SLC6A18: variants seen among roughly 807,000 people sequenced by gnomAD.
The protein encoded by SLC6A18 is inactive sodium-dependent neutral amino acid transporter B(0)AT3.
In SLC6A18, 58 loss-of-function variants were observed where a neutral mutation model predicts 62.9. The ratio of observed to expected loss-of-function variants is 0.92; its 90% CI spans 0.75 to 1.15. The LOEUF (loss-of-function observed/expected upper bound fraction) is 1.15. SLC6A18 is among the 50% of genes most tolerant of loss of function. The pLI is 0.00. For missense variants in SLC6A18, 793 were observed against 836.6 expected, an observed-to-expected ratio of 0.95 and a Z score of 0.64; for synonymous variants, 382 against 365.8, an observed-to-expected ratio of 1.04 and a Z score of -0.51.
chr5:1,242,693 C>T lies in SLC6A18; in HGVS notation c.975-14C>T. 6.3e-7 allele frequency: 1 copy of T among 1,593,392 alleles called. No homozygotes were observed. Among genetic ancestry groups the T allele is most frequent in the Non-Finnish European group, 8.6e-7 (1 of 1,166,436 alleles). On this transcript the variant is annotated splice_polypyrimidine_tract_variant and intron_variant, in intron 7 of 11. Coordinates refer to ENST00000324642, the MANE Select transcript of SLC6A18 (RefSeq NM_182632.3). ...ACCAGGGCCATGAGCCCACAGTCCTCTCTGTCCCCGCAGAAACATCCTCAG... is the reference window on the plus strand; with the variant it reads ...ACCAGGGCCATGAGCCCACAGTCCTTTCTGTCCCCGCAGAAACATCCTCAG...
intron 3 of SLC6A18, among the ~76,000 whole-genome samples, chr5:1,233,806 A>G (rs565943551): frequency 7.5e-4 from 112 of 150,116 alleles, no homozygotes; most frequent in African/African-American, 2.3e-3. Flanking sequence ...CAGTGGTGCT[A>G]TCTTGGCTCA....
chr5:1,244,088 C>T, intron 9 of SLC6A18, 126 bp from the exon 10 acceptor site: 1 of 775,552 alleles, frequency 1.3e-6, no homozygotes, highest in Admixed American at 2.5e-5. Flanking sequence ...GAGAAGTCTC[C>T]AGCCCAGGTG....
At position 1,232,229 on chromosome 5, in the gene SLC6A18, C is replaced by G. The variant is rs748954786; in HGVS notation, c.171C>G (p.Leu57=). 6.2e-7 allele frequency: 1 copy of G among 1,612,030 alleles called. No homozygotes were observed. Among genetic ancestry groups the G allele is most frequent in the East Asian group, 2.2e-5 (1 of 44,840 alleles). ...LCQTYGGGAF[L]IPYVIALVFE... Reference sequence around the variant, plus strand: ...ACCCCCTCCTCACAGGGGCCTTCCTCATCCCCTACGTCATCGCGCTGGTCT... The same window carrying G: ...ACCCCCTCCTCACAGGGGCCTTCCTGATCCCCTACGTCATCGCGCTGGTCT... Residue 57 remains leucine (L), a synonymous_variant, in exon 2 of 12, where the codon CTC becomes CTG. Transcript: ENST00000324642.
intron 2 of SLC6A18, 64 bp from the exon 3 acceptor site, chr5:1,232,687 T>C (rs1256467755): frequency 1.5e-5 from 23 of 1,536,964 alleles, no homozygotes; most frequent in Non-Finnish European, 1.8e-5. Flanking sequence ...TTATTCTCAC[T>C]GCTTCTGGGC....
intron 11 of SLC6A18, among the ~76,000 whole-genome samples, chr5:1,245,639 G>A (rs1478982365): frequency 6.6e-6 from 1 of 152,224 alleles, no homozygotes; most frequent in Non-Finnish European, 1.5e-5. Flanking sequence ...CCAGCCCCAG[G>A]AGAAGCTCAG....
At chr5:1,239,707 C>G (rs899289329) in intron 6 of SLC6A18, 145 bp downstream of exon 6, 1 of 637,456 alleles carries the variant, frequency 1.6e-6, no homozygotes, top group Non-Finnish European at 2.7e-6. Context: ...TGGGCCCTCA[C>G]GGCAGCTCCC....
Position 1,241,630 on chromosome 5 carries a change from CA to C in SLC6A18, c.974+972del, listed in dbSNP as rs1747062591. ...TGGCACTCACAGGCCACAGAAGGGA[CA>C]GTGTTTTACAGGATGAGCCGGGTCA... On this transcript the variant is annotated intron_variant, in intron 7 of 11. Transcript: ENST00000324642. The surrounding 1 kb of genome is among the most constrained non-coding windows in gnomAD (Gnocchi z 7.8). Among the ~76,000 whole-genome samples, 1 of 152,054 alleles carries C rather than the reference CA, an allele frequency of 6.6e-6. No homozygotes were observed. Among genetic ancestry groups the C allele is most frequent in the Non-Finnish European group, 1.5e-5 (1 of 68,006 alleles).
At position 1,225,880 on chromosome 5, in the gene SLC6A18, T is replaced by C. The variant is rs939219761; in HGVS notation, c.160+243T>C. On this transcript the variant is annotated intron_variant, in intron 1 of 11. Coordinates refer to ENST00000324642, the MANE Select transcript of SLC6A18 (RefSeq NM_182632.3). ...AGGATCCAGTCCCCTCGGGGTCCAC[T>C]ATGGTCTTCCGGGACCTCAGGGCAG... is the stretch of plus-strand genomic sequence containing the variant. Among the ~76,000 whole-genome samples the C allele has an allele frequency of 2.0e-5, 3 of 152,172 alleles. No individual in the cohort carries two copies. The East Asian group carries it at 5.8e-4, about 29-fold the overall frequency.
At chr5:1,227,028 G>A (rs1037718957) in intron 1 of SLC6A18, among the ~76,000 whole-genome samples, 1 of 146,442 alleles carries the variant, frequency 6.8e-6, no homozygotes, top group Non-Finnish European at 1.5e-5. Flanking sequence ...CGCGCCCAAC[G>A]CCTTGCCCGC....
chr5:1,227,013 G>GATGCCTTGCCCA (rs1746595194), intron 1 of SLC6A18, among the ~76,000 whole-genome samples: 3 of 71,112 alleles, frequency 4.2e-5, no homozygotes, highest in Admixed American at 3.0e-4. Flanking sequence ...TGCCTTGCCC[G>GATGCCTTGCCCA]CCGACGCGCC....
At chr5:1,231,217 G>T (rs1746722848) in intron 1 of SLC6A18, among the ~76,000 whole-genome samples, 4 of 152,202 alleles carry the variant, frequency 2.6e-5, no homozygotes, top group Admixed American at 2.6e-4. Flanking sequence ...TCCACTGCGG[G>T]TGCCCCAGGC....
chr5:1,226,418 G>T (rs1349484896), intron 1 of SLC6A18, among the ~76,000 whole-genome samples: 1 of 152,192 alleles, frequency 6.6e-6, no homozygotes, highest in Non-Finnish European at 1.5e-5. Context: ...ACGGGCAGGG[G>T]CTTCCCAGGC....
At position 1,231,933 on chromosome 5, in the gene SLC6A18, G is replaced by A. The variant is rs548999970; in HGVS notation, c.161-286G>A. Among the ~76,000 whole-genome samples, 545 of 152,302 alleles carry A rather than the reference G, an allele frequency of 3.6e-3. 4 individuals carry two copies. Among genetic ancestry groups the A allele is most frequent in the African/African-American group, 0.011 (465 of 41,558 alleles). On this transcript the variant is annotated intron_variant, in intron 1 of 11. Coordinates refer to ENST00000324642, the MANE Select transcript of SLC6A18 (RefSeq NM_182632.3). Reference sequence around the variant, plus strand: ...TCAGCAAACGCAACACAGGGGTCACGCTTAGACCCCAAGTCCTAGTCCAGG... The same window carrying A: ...TCAGCAAACGCAACACAGGGGTCACACTTAGACCCCAAGTCCTAGTCCAGG...
intron 1 of SLC6A18, among the ~76,000 whole-genome samples, chr5:1,229,817 A>T (rs987537027): frequency 2.1e-5 from 3 of 145,742 alleles, no homozygotes; most frequent in Non-Finnish European, 4.5e-5. Flanking sequence ...GTGCAGGCTG[A>T]ACAGGGGAAA....
At chr5:1,228,238 C>T (rs1579524222) in intron 1 of SLC6A18, among the ~76,000 whole-genome samples, 2 of 152,216 alleles carry the variant, frequency 1.3e-5, no homozygotes, top group Non-Finnish European at 2.9e-5. Context: ...CTGCTTTCTA[C>T]ACTGCCCGGG....
rs1239470798 is a variant in SLC6A18, at chr5:1,232,360, GT to G, written c.301+2del. The G allele has an allele frequency of 6.2e-7, 1 of 1,608,980 alleles. No individual in the cohort carries two copies. Among genetic ancestry groups the G allele is most frequent in the East Asian group, 2.2e-5 (1 of 44,812 alleles). ...ATCTCCCCGTACCTCAGTGGAGTAGGTAGGCCACCGTCCTCGCTTGCCCTGA... is the reference window on the plus strand; with the variant it reads ...ATCTCCCCGTACCTCAGTGGAGTAGGAGGCCACCGTCCTCGCTTGCCCTGA... On this transcript the variant is annotated splice_donor_variant, in intron 2 of 11. Coordinates refer to ENST00000324642, the MANE Select transcript of SLC6A18 (RefSeq NM_182632.3). LOFTEE classifies it high-confidence loss of function.
At chr5:1,231,030 C>T (rs575332613) in intron 1 of SLC6A18, among the ~76,000 whole-genome samples, 38 of 152,290 alleles carry the variant, frequency 2.5e-4, no homozygotes, top group African/African-American at 7.7e-4. Flanking sequence ...ACCAGGAGCC[C>T]GGGAGAACCA....
In SLC6A18 at chr5:1,244,391, C is replaced by T. The variant is rs772040457; in HGVS notation, c.1496+18C>T. 19 of 1,613,340 alleles carry T rather than the reference C, an allele frequency of 1.2e-5. No homozygotes were observed. Among genetic ancestry groups the T allele is most frequent in the African/African-American group, 5.3e-5 (4 of 74,912 alleles). ...ATGAAACGGTGAGCTGCCGCCCCGC[C>T]GAGTGCTCCTCTGGGACCCACCAGG... On this transcript the variant is annotated intron_variant, in intron 10 of 11. Coordinates refer to ENST00000324642, the MANE Select transcript of SLC6A18 (RefSeq NM_182632.3).
intron 5 of SLC6A18, among the ~76,000 whole-genome samples, chr5:1,238,724 C>G (rs530549307): frequency 6.6e-6 from 1 of 152,246 alleles, no homozygotes; most frequent in South Asian, 2.1e-4. Context: ...CTGTGGGACA[C>G]CAAGTGGACA....
Sources: allele counts gnomAD v4.1 joint callset (sites outside exome capture counted in the v4.1 genomes callset), GRCh38; gene constraint gnomAD v4.1.1; non-coding constraint Gnocchi (gnomAD v3.1); transcripts MANE v1.5; gene names NCBI Gene and HGNC (gene_info 2026-07-23, HGNC 2026-07-21).